GPC3: variants seen among roughly 807,000 people sequenced by gnomAD.
GPC3 encodes the protein glypican-3.
GPC3 carries 3 observed loss-of-function variants against 34.4 expected under a neutral mutation model. The ratio of observed to expected loss-of-function variants is 0.09; its 90% confidence interval spans 0.04 to 0.23. The LOEUF (loss-of-function observed/expected upper bound fraction) is 0.23, where lower values mean the gene tolerates loss of function less well. GPC3 is among the 10% of genes least tolerant of loss of function. The probability of loss-of-function intolerance (pLI) is 1.00; values close to 1 mark genes in which losing one functional copy is unlikely to be tolerated. For missense variants in GPC3, 351 were observed against 445.6 expected (o/e 0.79, Z 1.91); for synonymous variants, 177 against 174.0 (o/e 1.02, Z -0.13).
At chrX:133,754,752 T>C (rs1437504726) in intron 2 of GPC3, among the ~76,000 whole-genome samples, 4 of 112,163 alleles carry the variant, frequency 3.6e-5, no homozygotes, top group East Asian at 5.6e-4. Context: ...TTCTGACAGA[T>C]TGCCAGACCT....
intron 6 of GPC3, among the ~76,000 whole-genome samples, chrX:133,646,822 G>T (rs1368666897): frequency 8.9e-6 from 1 of 111,810 alleles, no homozygotes; most frequent in Non-Finnish European, 1.9e-5. Flanking sequence ...GATAGCCACA[G>T]CATAGCCCCC....
At chrX:133,931,013 A>G (rs1047483245) in intron 2 of GPC3, among the ~76,000 whole-genome samples, 17 of 111,918 alleles carry the variant, frequency 1.5e-4, no homozygotes, top group Admixed American at 2.8e-4. Context: ...GGCAACAGAT[A>G]GTATCGAGCA....
chrX:133,899,243 T>C (rs1012239094), intron 2 of GPC3, among the ~76,000 whole-genome samples: 29 of 112,112 alleles, frequency 2.6e-4, no homozygotes, highest in African/African-American at 8.7e-4. Context: ...GGAACATCAG[T>C]CTCATATGGT....
chrX:133,847,512 T>C (rs1039379426), intron 2 of GPC3, among the ~76,000 whole-genome samples: 4 of 112,309 alleles, frequency 3.6e-5, no homozygotes, highest in Non-Finnish European at 7.5e-5. Flanking sequence ...TTGACTTAAA[T>C]TGGAACAATT....
At position 133,739,414 on chromosome X, in the gene GPC3, G is replaced by A. The variant is rs960568632; in HGVS notation, c.1032+14068C>T. 6.2e-5 allele frequency among the ~76,000 whole-genome samples: 7 copies of A among 112,249 alleles called. No homozygotes were observed. The South Asian group carries it at 1.1e-3, about 18-fold the overall frequency. ...ATGTCAGATTTTATAGTGCTGCCAC[G>A]TGGTAGGCATTGTTGCAAAATTTTC... On this transcript the variant is annotated intron_variant, in intron 3 of 7. Coordinates refer to ENST00000370818, the MANE Select transcript of GPC3 (RefSeq NM_004484.4).
chrX:133,613,615 G>A (rs1301713682), intron 6 of GPC3, among the ~76,000 whole-genome samples: 1 of 111,960 alleles, frequency 8.9e-6, no homozygotes, highest in Non-Finnish European at 1.9e-5. Flanking sequence ...GTAAGAGAGT[G>A]GTTTTTGTAA....
intron 5 of GPC3, among the ~76,000 whole-genome samples, chrX:133,669,434 G>C (rs969253759): frequency 8.9e-6 from 1 of 111,920 alleles, no homozygotes; most frequent in African/African-American, 3.3e-5. Context: ...ATCGATGAAG[G>C]GTGCCTCTGC....
At chrX:133,883,829 A>C (rs912794364) in intron 2 of GPC3, among the ~76,000 whole-genome samples, 6 of 112,209 alleles carry the variant, frequency 5.3e-5, no homozygotes, top group Non-Finnish European at 1.1e-4. Flanking sequence ...CTGCAACCGT[A>C]ATATACTAAC....
chrX:133,763,158 T>C, intron 2 of GPC3: 1 of 728,950 alleles, frequency 1.4e-6, no homozygotes, highest in Non-Finnish European at 2.1e-6. Context: ...AGCCGCAGCT[T>C]CTTGTGGTTA....
At chrX:133,717,663 G>A (rs2071328753) in intron 3 of GPC3, among the ~76,000 whole-genome samples, 1 of 110,677 alleles carries the variant, frequency 9.0e-6, no homozygotes, top group South Asian at 4.0e-4. Context: ...GCTCACTCGG[G>A]AAGCTTGGTT....
At chrX:133,973,506 C>A (rs1219851786) in intron 1 of GPC3, among the ~76,000 whole-genome samples, 2 of 112,253 alleles carry the variant, frequency 1.8e-5, no homozygotes, top group Non-Finnish European at 3.8e-5. Flanking sequence ...AAAGTGGTGT[C>A]AAAAAATCAA....
At chrX:133,851,757 G>A (rs1250268055) in intron 2 of GPC3, among the ~76,000 whole-genome samples, 4 of 111,884 alleles carry the variant, frequency 3.6e-5, no homozygotes, top group Non-Finnish European at 5.6e-5. Context: ...AGGCTGGCGC[G>A]ATTCTTCATT....
At chrX:133,693,532 T>C (rs759766578) in intron 4 of GPC3, among the ~76,000 whole-genome samples, 10 of 111,672 alleles carry the variant, frequency 9.0e-5, no homozygotes, top group East Asian at 2.8e-4. Context: ...TTGGAGACTC[T>C]ATTCAGGGAA....
chrX:133,675,066 C>T (rs1251086762), intron 5 of GPC3, among the ~76,000 whole-genome samples: 1 of 112,053 alleles, frequency 8.9e-6, no homozygotes, highest in Non-Finnish European at 1.9e-5. Context: ...ATGTAGTAAA[C>T]AGAGGGAGGA....
chrX:133,939,308 C>T (rs1353729317), intron 2 of GPC3, among the ~76,000 whole-genome samples: 1 of 112,340 alleles, frequency 8.9e-6, no homozygotes, highest in Non-Finnish European at 1.9e-5. Context: ...CATTGAAATC[C>T]TTTAAGGAAA....
intron 3 of GPC3, among the ~76,000 whole-genome samples, chrX:133,731,387 T>C (rs1046202252): frequency 4.4e-5 from 5 of 112,973 alleles, no homozygotes; most frequent in Non-Finnish European, 7.5e-5. Context: ...ATTTTTAAAT[T>C]AGCCATATAG....
At chrX:133,715,047 C>T (rs2071301709) in intron 3 of GPC3, among the ~76,000 whole-genome samples, 1 of 111,756 alleles carries the variant, frequency 8.9e-6, no homozygotes, top group Non-Finnish European at 1.9e-5. Context: ...AGGAGATTAA[C>T]GTTTCAGTCA....
intron 5 of GPC3, chrX:133,671,454 T>C (rs751036429): frequency 1.6e-5 from 7 of 447,568 alleles, no homozygotes; most frequent in Middle Eastern, 1.2e-3. Flanking sequence ...CTAAAAACTT[T>C]CATGTGAAAA....
intron 6 of GPC3, among the ~76,000 whole-genome samples, chrX:133,626,531 A>C (rs943907242): frequency 4.5e-5 from 5 of 111,139 alleles, no homozygotes; most frequent in African/African-American, 1.6e-4. Context: ...TCTCAAAAGA[A>C]GACAGTTATG....
Sources: gnomAD v4.1 joint callset for allele counts (sites outside exome capture counted in the v4.1 genomes callset) on GRCh38, gnomAD v4.1.1 for gene constraint, MANE v1.5 for transcripts, NCBI Gene and HGNC (gene_info 2026-07-23, HGNC 2026-07-21) for gene names.